The following TMPRSS13 variants were observed in gnomAD, a reference collection of about 807,000 sequenced individuals.
TMPRSS13 encodes the protein transmembrane serine protease 13, also known as transmembrane protease serine 13.
In TMPRSS13, 50 loss-of-function variants were observed where a neutral mutation model predicts 68.4. The ratio of observed to expected loss-of-function variants is 0.73; its 90% CI spans 0.58 to 0.93. The LOEUF is 0.93. Ranked by LOEUF, TMPRSS13 falls within the 40% of genes least tolerant of loss-of-function variation. The probability of loss-of-function intolerance (pLI) is 0.00; values close to 1 mark genes in which losing one functional copy is unlikely to be tolerated. For synonymous variants in TMPRSS13, 267 were observed against 285.8 expected (o/e 0.93, Z 0.66); for missense variants, 615 against 729.2 (o/e 0.84, Z 1.80).
At position 117,915,946 on chromosome 11, in the gene TMPRSS13, G is replaced by C. The variant is rs917213314; in HGVS notation, c.556+1224C>G. Among the ~76,000 whole-genome samples, 1 of 152,142 alleles carries C rather than the reference G, an allele frequency of 6.6e-6. No homozygotes were observed. The highest frequency in any genetic ancestry group is 1.5e-5 in the Non-Finnish European group (1 of 68,020). ...AAAGACCACCCCACCCAGTCAGACT[G>C]GTGGGGAAACTGAGGCTCAGAATGT... On this transcript the variant is annotated intron_variant, in intron 3 of 12. Transcript: ENST00000524993. The surrounding 1 kb of genome is among the most constrained non-coding windows in gnomAD (Gnocchi z 4.9).
chr11:117,908,613 G>C lies in TMPRSS13; in HGVS notation c.1281C>G (p.Ser427=), dbSNP rs750319093. 2 of 1,559,946 alleles carry C rather than the reference G, an allele frequency of 1.3e-6. No homozygotes were observed. Among genetic ancestry groups the C allele is most frequent in the Non-Finnish European group, 1.7e-6 (2 of 1,152,246 alleles). The change falls in exon 9 of 13, where the codon TCC becomes TCG. Residue 427 remains serine (S), a splice_region_variant and synonymous_variant. Coordinates refer to ENST00000524993, the MANE Select transcript of TMPRSS13 (RefSeq NM_001077263.3). ...AGCGGGGAGTGCAGATTCCCTCACC[G>C]GACAGGGTCAGGGGCTTGGACAGCC... ...LMRLSKPLTL[S]AHIHPACLPM... is the part of the protein sequence containing the mutation.
chr11:117,914,596 C>A lies in TMPRSS13; in HGVS notation c.557-82G>T, dbSNP rs1591624325. On this transcript the variant is annotated intron_variant, in intron 3 of 12. Coordinates refer to ENST00000524993, the MANE Select transcript of TMPRSS13 (RefSeq NM_001077263.3). This position sits in a 1 kb window ranked among gnomAD's most constrained non-coding sequence, Gnocchi z 4.2. Reference sequence around the variant, plus strand: ...TGAGCAGCCCAAGGACCTGGGGGTTCTGAGACACCGACCTGCAATCCCTCT... The same window carrying A: ...TGAGCAGCCCAAGGACCTGGGGGTTATGAGACACCGACCTGCAATCCCTCT... The A allele has an allele frequency of 3.2e-6, 5 of 1,582,896 alleles. No homozygotes were observed. Among genetic ancestry groups the A allele is most frequent in the Admixed American group, 3.5e-5 (2 of 57,678 alleles).
chr11:117,919,372 AC>A (rs1388935954), intron 1 of TMPRSS13, among the ~76,000 whole-genome samples: 2 of 152,248 alleles, frequency 1.3e-5, no homozygotes, highest in Non-Finnish European at 2.9e-5. Flanking sequence ...TGACCTGCCA[AC>A]TGAAGGGGCT....
intron 1 of TMPRSS13, among the ~76,000 whole-genome samples, chr11:117,924,952 C>T (rs2134929568): frequency 6.6e-6 from 1 of 152,258 alleles, no homozygotes; most frequent in South Asian, 2.1e-4. Flanking sequence ...GCAGGGTCTG[C>T]CTCGCCCTGG....
At position 117,902,259 on chromosome 11, in the gene TMPRSS13, C is replaced by A. The variant is rs2057416011; in HGVS notation, c.1684G>T (p.Val562Leu). The A allele has an allele frequency of 6.2e-7, 1 of 1,613,282 alleles. No individual in the cohort carries two copies. Among genetic ancestry groups the A allele is most frequent in the South Asian group, 1.1e-5 (1 of 91,076 alleles). The change falls in exon 13 of 13, where the codon GTG becomes TTG. Residue 562 changes from valine (V) to leucine (L), a missense_variant. By Grantham distance (32) the Val-to-Leu change is conservative. Coordinates refer to ENST00000524993, the MANE Select transcript of TMPRSS13 (RefSeq NM_001077263.3). ...GCTGGTTAGGATTTTCTGAATCGCA[C>A]CTCGCTCTGAGGAAGAGAATGGGAG... ...PWIYSKMESE[V>L]RFRKS
chr11:117,911,972 G>A (rs1591622071), intron 5 of TMPRSS13, 112 bp from the exon 6 acceptor site: 2 of 808,958 alleles, frequency 2.5e-6, no homozygotes, highest in African/African-American at 3.4e-5. Context: ...GACTGTGATG[G>A]TCTGAATGGT....
intron 1 of TMPRSS13, 122 bp from the exon 2 acceptor site, chr11:117,918,960 C>CA (rs1377973332): frequency 7.3e-7 from 1 of 1,361,740 alleles, no homozygotes; most frequent in Non-Finnish European, 1.0e-6. Context: ...GCAAAGCCCC[C>CA]CGGACAAGGA....
intron 9 of TMPRSS13, among the ~76,000 whole-genome samples, chr11:117,907,033 G>T (rs1056765795): frequency 6.7e-6 from 1 of 149,022 alleles, no homozygotes; most frequent in Non-Finnish European, 1.5e-5. Flanking sequence ...AGACTATTAC[G>T]TTTGAAAAGC....
Position 117,909,988 on chromosome 11 carries a change from G to A in TMPRSS13, c.947-20C>T, listed in dbSNP as rs559371228. The A allele has an allele frequency of 1.1e-5, 17 of 1,609,062 alleles. 1 individual carries two copies. Among genetic ancestry groups the A allele is most frequent in the South Asian group, 4.4e-5 (4 of 91,006 alleles). ...CGCAGTCTGGAGGGAAGGAGTAGAC[G>A]TACTGTGAACCCTGTTTCTCCCAGG... On this transcript the variant is annotated intron_variant, in intron 7 of 12. Coordinates refer to ENST00000524993, the MANE Select transcript of TMPRSS13 (RefSeq NM_001077263.3).
In TMPRSS13 at chr11:117,901,230, C is replaced by T. The variant is rs74491696; in HGVS notation, c.*1009G>A. 0.028 allele frequency: 4,329 copies of T among 152,698 alleles called. 125 individuals are homozygous for T. The highest frequency in any genetic ancestry group is 0.065 in the African/African-American group (2,687 of 41,544). 9.5% of individuals were successfully genotyped at this position (152,698 alleles called of 1,614,324 possible). A position where few individuals can be genotyped will look rare whatever the true frequency, so the allele number is the denominator to read the frequency against. ...TCCCTGGGGCCCCTGGGAGCCTACG[C>T]GGGAACAGCATCTGTTTCTTAACGC... On this transcript the variant is annotated 3_prime_UTR_variant, in exon 13 of 13. Transcript: ENST00000524993.
At position 117,918,406 on chromosome 11, in the gene TMPRSS13, T is replaced by G. The variant is rs746445146; in HGVS notation, c.451+3A>C. The G allele has an allele frequency of 3.1e-6, 5 of 1,613,120 alleles. No individual in the cohort carries two copies. In the South Asian group the frequency reaches 5.5e-5, roughly 18 times the overall value. On this transcript the variant is annotated splice_donor_region_variant and intron_variant, in intron 2 of 12. Transcript: ENST00000524993. ...CGTGGCTTCCCTACAGCATCCCCCT[T>G]ACCTGGGCTCTCCCTGGTGGCCCTG...
intron 12 of TMPRSS13, chr11:117,903,219 A>C (rs1486822264): frequency 7.3e-7 from 1 of 1,361,400 alleles, no homozygotes; most frequent in Non-Finnish European, 9.6e-7. Flanking sequence ...GACAACAACA[A>C]CAACAAAAAG....
At position 117,914,240 on chromosome 11, in the gene TMPRSS13, CACAT is replaced by C. The variant is rs1187094720; in HGVS notation, c.679+148_679+151del. 8 of 1,071,488 alleles carry C rather than the reference CACAT, an allele frequency of 7.5e-6. No individual in the cohort carries two copies. The Admixed American group carries it at 9.3e-5, about 12-fold the overall frequency. The allele number at this position is 1,071,488 out of a possible 1,614,324, so 66.4% of individuals were successfully genotyped here. A position where few individuals can be genotyped will look rare whatever the true frequency, so the allele number is the denominator to read the frequency against. On this transcript the variant is annotated intron_variant, in intron 4 of 12. Coordinates refer to ENST00000524993, the MANE Select transcript of TMPRSS13 (RefSeq NM_001077263.3). The surrounding 1 kb of genome is among the most constrained non-coding windows in gnomAD (Gnocchi z 4.2). ...ATGCACACACACATACGTGCACACA[CACAT>C]ACATGCATACACACAAACATGCACA... is the stretch of plus-strand genomic sequence containing the variant.
Position 117,902,172 on chromosome 11 carries a change from C to T in TMPRSS13, c.*67G>A. ...GGCCATTAGCCCAGATGATGCCACACATGGCCAGTCACCATGGCCAGAGTC... is the reference window on the plus strand; with the variant it reads ...GGCCATTAGCCCAGATGATGCCACATATGGCCAGTCACCATGGCCAGAGTC... On this transcript the variant is annotated 3_prime_UTR_variant, in exon 13 of 13. Transcript: ENST00000524993. 6.3e-7 allele frequency: 1 copy of T among 1,582,270 alleles called. No individual in the cohort carries two copies. The highest frequency in any genetic ancestry group is 8.7e-7 in the Non-Finnish European group (1 of 1,153,478).
At chr11:117,903,375 A>G (rs2057427288) in intron 12 of TMPRSS13, 2 of 1,531,514 alleles carry the variant, frequency 1.3e-6, no homozygotes, top group Admixed American at 4.0e-5. Context: ...TTACACAAAA[A>G]AATACTTCTG....
rs2057413090 is a variant in TMPRSS13, at chr11:117,901,932, A to G, written c.*307T>C. The G allele has an allele frequency of 4.6e-6, 2 of 432,304 alleles. No individual in the cohort carries two copies. Among genetic ancestry groups the G allele is most frequent in the Admixed American group, 3.4e-5 (1 of 29,214 alleles). 26.8% of individuals were successfully genotyped at this position (432,304 alleles called of 1,614,324 possible). ...TTGGGCTCTGGGCTCCACCTCCTCC[A>G]TCCATCTATGGACACTCCTGTAGGA... On this transcript the variant is annotated 3_prime_UTR_variant, in exon 13 of 13. Coordinates refer to ENST00000524993, the MANE Select transcript of TMPRSS13 (RefSeq NM_001077263.3).
chr11:117,903,492 G>C, intron 12 of TMPRSS13, 163 bp downstream of exon 12: 1 of 1,542,786 alleles, frequency 6.5e-7, no homozygotes, highest in South Asian at 1.2e-5. Flanking sequence ...AACACAGACA[G>C]CTGGGATTGA....
intron 1 of TMPRSS13, among the ~76,000 whole-genome samples, chr11:117,928,553 C>T (rs1479895907): frequency 6.6e-6 from 1 of 152,102 alleles, no homozygotes; most frequent in East Asian, 1.9e-4. Flanking sequence ...AATGAGAGCA[C>T]AAAAGGGATT....
intron 9 of TMPRSS13, among the ~76,000 whole-genome samples, chr11:117,906,872 C>T (rs1462599780): frequency 6.6e-6 from 1 of 152,072 alleles, no homozygotes; most frequent in Admixed American, 6.6e-5. Flanking sequence ...TTCTAGTGCT[C>T]CACCTGCCAA....
Sources: gnomAD v4.1 joint callset for allele counts (sites outside exome capture counted in the v4.1 genomes callset) on GRCh38, gnomAD v4.1.1 for gene constraint, Gnocchi (gnomAD v3.1) non-coding constraint, MANE v1.5 for transcripts, NCBI Gene and HGNC (gene_info 2026-07-23, HGNC 2026-07-21) for gene names.